HCFC2: variants seen among roughly 807,000 people sequenced by gnomAD.
HCFC2 encodes host cell factor C2.
Under a neutral mutation model 89.2 loss-of-function variants are expected in HCFC2, and 18 were observed. That is an observed-to-expected ratio of 0.20 (90% CI 0.14 to 0.30). The LOEUF is 0.30. HCFC2 is among the 10% of genes least tolerant of loss of function. HCFC2 has a pLI of 1.00. For synonymous variants in HCFC2, 308 were observed against 335.7 expected (o/e 0.92, Z 0.90); for missense variants, 578 against 956.1 (o/e 0.60, Z 5.21).
chr12:104,067,066 G>C (rs1398292903), intron 2 of HCFC2, among the ~76,000 whole-genome samples: 1 of 152,146 alleles, frequency 6.6e-6, no homozygotes, highest in Non-Finnish European at 1.5e-5. Context: ...GGGATTAGCC[G>C]ACGTGAGCCA....
In HCFC2 at chr12:104,103,011, A is replaced by G; in HGVS notation, c.2117A>G (p.Asn706Ser). 6.2e-7 allele frequency: 1 copy of G among 1,613,388 alleles called. No homozygotes were observed. The highest frequency in any genetic ancestry group is 8.5e-7 in the Non-Finnish European group (1 of 1,179,500). ...GAACCTCCAACCTCACCTTCTGGAAATATTTTGGAATATTCAGCCTACTTG... is the reference window on the plus strand; with the variant it reads ...GAACCTCCAACCTCACCTTCTGGAAGTATTTTGGAATATTCAGCCTACTTG... ...SWEPPTSPSG[N>S]ILEYSAYLAI... Residue 706 changes from asparagine to serine, a missense_variant, in exon 15 of 15, where the codon AAT becomes AGT. Around this residue, in one of 4 missense-constraint regions of HCFC2, gnomAD observed 140 missense variants for 266.4 expected, o/e 0.53. Transcript: ENST00000229330.
At chr12:104,079,399 G>T in intron 3 of HCFC2, 46 bp from the exon 4 acceptor site, 1 of 1,337,542 alleles carries the variant, frequency 7.5e-7, no homozygotes, top group South Asian at 1.3e-5. Context: ...TGCAAATAAA[G>T]GGTATATATT....
chr12:104,076,038 T>A (rs1270411079), intron 3 of HCFC2, among the ~76,000 whole-genome samples: 1 of 152,238 alleles, frequency 6.6e-6, no homozygotes, highest in East Asian at 1.9e-4. Flanking sequence ...TATAAAGATG[T>A]GTTTGTGCCT....
intron 3 of HCFC2, among the ~76,000 whole-genome samples, chr12:104,073,593 T>C (rs1055275685): frequency 5.3e-5 from 8 of 152,214 alleles, no homozygotes; most frequent in African/African-American, 1.4e-4. Flanking sequence ...AAATAAATTT[T>C]CTATATTTTC....
intron 13 of HCFC2, 89 bp downstream of exon 13, chr12:104,098,569 A>T (rs1884245609): frequency 2.3e-6 from 3 of 1,319,072 alleles, no homozygotes; most frequent in Non-Finnish European, 3.1e-6. Context: ...AGGAAAAAAA[A>T]ATTAAGAATG....
chr12:104,089,593 A>C (rs1883966814), intron 9 of HCFC2, among the ~76,000 whole-genome samples: 1 of 152,228 alleles, frequency 6.6e-6, no homozygotes, highest in African/African-American at 2.4e-5. Flanking sequence ...GTCTACTTTT[A>C]GATCAATTGT....
At position 104,103,328 on chromosome 12, in the gene HCFC2, A is replaced by C. The variant is rs1406930772; in HGVS notation, c.*55A>C. ...GATGATTATTTATTAGTAACTGGTTATGAAGATTTGTCATTTAAAAGAGTA... is the reference window on the plus strand; with the variant it reads ...GATGATTATTTATTAGTAACTGGTTCTGAAGATTTGTCATTTAAAAGAGTA... On this transcript the variant is annotated 3_prime_UTR_variant, in exon 15 of 15. Transcript: ENST00000229330. The C allele has an allele frequency of 2.2e-6, 3 of 1,393,316 alleles. No individual in the cohort carries two copies. The East Asian group carries it at 7.0e-5, about 32-fold the overall frequency. 86.3% of individuals were successfully genotyped at this position (1,393,316 alleles called of 1,614,324 possible).
At chr12:104,076,451 G>A (rs1883497800) in intron 3 of HCFC2, among the ~76,000 whole-genome samples, 1 of 152,168 alleles carries the variant, frequency 6.6e-6, no homozygotes, top group African/African-American at 2.4e-5. Context: ...TTGTAAATGG[G>A]GCTAATAGCC....
chr12:104,105,900 G>A lies in HCFC2; in HGVS notation c.*2627G>A, dbSNP rs1340632245. ...TTTACTCTTCCCAGTCAGGTAAGCA[G>A]TTCAAATATAACAAGACTTTGTGCC... On this transcript the variant is annotated 3_prime_UTR_variant, in exon 15 of 15. Transcript: ENST00000229330. The A allele has an allele frequency of 6.6e-6, 1 of 152,068 alleles. No homozygotes were observed. Among genetic ancestry groups the A allele is most frequent in the Non-Finnish European group, 1.5e-5 (1 of 67,948 alleles). The allele number at this position is 152,068 out of a possible 1,614,324, so 9.4% of individuals were successfully genotyped here.
At chr12:104,094,795 G>A (rs1884126756) in intron 10 of HCFC2, among the ~76,000 whole-genome samples, 1 of 152,096 alleles carries the variant, frequency 6.6e-6, no homozygotes, top group Non-Finnish European at 1.5e-5. Context: ...GGGATTTGAT[G>A]ATGTTTACGA....
In HCFC2 at chr12:104,095,350, T is replaced by C; in HGVS notation, c.1463-10T>C. The C allele has an allele frequency of 6.2e-7, 1 of 1,601,106 alleles. No individual in the cohort carries two copies. Among genetic ancestry groups the C allele is most frequent in the Non-Finnish European group, 8.6e-7 (1 of 1,168,966 alleles). The stretch of plus-strand genomic sequence containing the variant: ...TCATATTAATAATTACCTTTTCCCT[T>C]TTATTTTAGGTCCTCACACTTCAGC... On this transcript the variant is annotated splice_polypyrimidine_tract_variant and intron_variant, in intron 10 of 14. Coordinates refer to ENST00000229330, the MANE Select transcript of HCFC2 (RefSeq NM_013320.3). This position sits in a 1 kb window ranked among gnomAD's most constrained non-coding sequence, Gnocchi z 4.2.
At chr12:104,078,073 A>C (rs1883565797) in intron 3 of HCFC2, among the ~76,000 whole-genome samples, 1 of 152,234 alleles carries the variant, frequency 6.6e-6, no homozygotes, top group Admixed American at 6.5e-5. Context: ...ATCTTGGCTC[A>C]CTGCAAGCTC....
intron 4 of HCFC2, 177 bp from the exon 5 acceptor site, chr12:104,080,569 A>C (rs1256016067): frequency 2.3e-6 from 1 of 432,414 alleles, no homozygotes; most frequent in Non-Finnish European, 4.1e-6. Context: ...AAGTGTAAAT[A>C]AATTTCTGAT....
At chr12:104,094,918 A>G (rs1884130924) in intron 10 of HCFC2, among the ~76,000 whole-genome samples, 1 of 152,186 alleles carries the variant, frequency 6.6e-6, no homozygotes, top group East Asian at 1.9e-4. Context: ...ACAGGAAGAT[A>G]CATTCAGATT....
chr12:104,102,861 A>T, intron 14 of HCFC2, 98 bp from the exon 15 acceptor site: 4 of 1,045,416 alleles, frequency 3.8e-6, no homozygotes, highest in Non-Finnish European at 5.4e-6. Flanking sequence ...ATTTTAGTAA[A>T]AATGAACATT....
intron 3 of HCFC2, among the ~76,000 whole-genome samples, chr12:104,076,795 T>G (rs566579532): frequency 1.2e-4 from 19 of 152,208 alleles, no homozygotes; most frequent in Non-Finnish European, 2.4e-4. Context: ...CCTGCATTCC[T>G]GCCCCCACCA....
At chr12:104,102,263 T>G in intron 14 of HCFC2, 110 bp downstream of exon 14, 1 of 880,624 alleles carries the variant, frequency 1.1e-6, no homozygotes, top group Non-Finnish European at 1.8e-6. Flanking sequence ...AAATGAGAGA[T>G]ACCTAAAAGG....
At chr12:104,100,262 G>T (rs1161059628) in intron 13 of HCFC2, among the ~76,000 whole-genome samples, 1 of 151,998 alleles carries the variant, frequency 6.6e-6, no homozygotes, top group Non-Finnish European at 1.5e-5. Context: ...TTATTAAATA[G>T]ATAACAGCTC....
At chr12:104,070,072 A>G (rs1272926808) in intron 3 of HCFC2, among the ~76,000 whole-genome samples, 1 of 151,904 alleles carries the variant, frequency 6.6e-6, no homozygotes, top group Non-Finnish European at 1.5e-5. Flanking sequence ...TCCCAGGCTG[A>G]AGTGCAGTGG....
Sources: gnomAD v4.1 joint callset for allele counts (sites outside exome capture counted in the v4.1 genomes callset) on GRCh38, gnomAD v4.1.1 for gene constraint, gnomAD v4.1.1 regional missense constraint, Gnocchi (gnomAD v3.1) non-coding constraint, MANE v1.5 for transcripts, NCBI Gene and HGNC (gene_info 2026-07-23, HGNC 2026-07-21) for gene names.